TMOD1: variants seen among roughly 807,000 people sequenced by gnomAD.
TMOD1 encodes tropomodulin 1.
A neutral mutation model predicts 40.6 loss-of-function variants in TMOD1; 17 were observed. The observed-to-expected ratio is 0.42, with a 90% CI of 0.29 to 0.63. The LOEUF (loss-of-function observed/expected upper bound fraction) is 0.63. Among genes scored for constraint, TMOD1 ranks in the 20% least tolerant of loss-of-function variants. The probability of loss-of-function intolerance (pLI) is 0.22; values close to 1 mark genes in which losing one functional copy is unlikely to be tolerated. For synonymous variants in TMOD1, 181 were observed against 175.0 expected (o/e 1.03, Z -0.27); for missense variants, 391 against 447.6 (o/e 0.87, Z 1.14).
intron 3 of TMOD1, among the ~76,000 whole-genome samples, chr9:97,551,012 ATATTTTTTTTTTTTTTTTT>A (rs1257086650): frequency 1.8e-4 from 7 of 39,356 alleles, no homozygotes; most frequent in Admixed American, 4.7e-4. Context: ...ATATATATAT[ATATTTTTTTTTTTTTTTTT>A]TTTTTTTTTT....
At position 97,569,021 on chromosome 9, in the gene TMOD1, T is replaced by C; in HGVS notation, c.854T>C (p.Met285Thr). 6.2e-7 allele frequency: 1 copy of C among 1,614,062 alleles called. No homozygotes were observed. Among genetic ancestry groups the C allele is most frequent in the Non-Finnish European group, 8.5e-7 (1 of 1,179,994 alleles). ...ALPYNTSLVE[M>T]KIDNQSQPLG... Reference sequence around the variant, plus strand: ...CCATACAACACTTCTCTGGTGGAAATGAAAATTGACAACCAGGTGAGATGG... The same window carrying C: ...CCATACAACACTTCTCTGGTGGAAACGAAAATTGACAACCAGGTGAGATGG... The change falls in exon 8 of 10, where the codon ATG becomes ACG. Residue 285 changes from methionine to threonine, a missense_variant. Transcript: ENST00000259365.
chr9:97,576,852 G>A (rs1453524030), intron 8 of TMOD1, among the ~76,000 whole-genome samples: 1 of 151,964 alleles, frequency 6.6e-6, no homozygotes. Flanking sequence ...TGTTAGCCAG[G>A]ATGGTCTCGA....
chr9:97,547,980 C>T (rs1830391675), intron 3 of TMOD1, among the ~76,000 whole-genome samples: 1 of 152,182 alleles, frequency 6.6e-6, no homozygotes, highest in African/African-American at 2.4e-5. Context: ...TTGTGCACTA[C>T]TTCATTAGAA....
chr9:97,588,608 A>C (rs1002224598), intron 8 of TMOD1, among the ~76,000 whole-genome samples: 1 of 152,160 alleles, frequency 6.6e-6, no homozygotes, highest in Non-Finnish European at 1.5e-5. Flanking sequence ...TGTAACATCT[A>C]TTGATCTATG....
intron 1 of TMOD1, among the ~76,000 whole-genome samples, chr9:97,505,322 G>A (rs779510861): frequency 2.0e-5 from 3 of 152,158 alleles, no homozygotes; most frequent in Non-Finnish European, 2.9e-5. Context: ...GCTTGCGTCC[G>A]TCCACGCATG....
In TMOD1 at chr9:97,599,740, T is replaced by C; in HGVS notation, c.*42T>C. The C allele has an allele frequency of 6.2e-7, 1 of 1,613,784 alleles. No homozygotes were observed. On this transcript the variant is annotated 3_prime_UTR_variant, in exon 10 of 10. Coordinates refer to ENST00000259365, the MANE Select transcript of TMOD1 (RefSeq NM_003275.4). Reference sequence around the variant, plus strand: ...CCATGCCTTTGAACTGGATGTGTTCTATTGATGACCTGTGCTCTGCAGGGG... The same window carrying C: ...CCATGCCTTTGAACTGGATGTGTTCCATTGATGACCTGTGCTCTGCAGGGG...
At chr9:97,516,105 C>T (rs968906896) in intron 1 of TMOD1, 5 of 152,244 alleles carry the variant, frequency 3.3e-5, no homozygotes, top group African/African-American at 1.2e-4. Flanking sequence ...TGCTGGTTGA[C>T]TTTCTTCCCC....
chr9:97,561,603 C>A (rs756726609), intron 4 of TMOD1, among the ~76,000 whole-genome samples: 2 of 152,182 alleles, frequency 1.3e-5, no homozygotes, highest in African/African-American at 2.4e-5. Context: ...TGTTGCCATG[C>A]GTCTGATTAT....
At chr9:97,503,240 C>A (rs1829534101) in intron 1 of TMOD1, among the ~76,000 whole-genome samples, 1 of 152,184 alleles carries the variant, frequency 6.6e-6, no homozygotes, top group Non-Finnish European at 1.5e-5. Context: ...CATCTCTTTC[C>A]GCACCCTTCC....
chr9:97,501,653 C>A (rs1301097197), upstream of TMOD1: 1 of 148,462 alleles, frequency 6.7e-6, no homozygotes, highest in African/African-American at 2.4e-5. Flanking sequence ...CCCGCCCGCC[C>A]GCGGCCGCCC....
intron 9 of TMOD1, among the ~76,000 whole-genome samples, chr9:97,593,345 C>T (rs1028410475): frequency 1.4e-4 from 21 of 152,144 alleles, no homozygotes; most frequent in Admixed American, 1.3e-3. Flanking sequence ...TCAGGCCTGA[C>T]TCCCATCACC....
intron 8 of TMOD1, among the ~76,000 whole-genome samples, chr9:97,571,079 A>C (rs1830810606): frequency 1.3e-5 from 2 of 152,142 alleles, no homozygotes; most frequent in South Asian, 4.1e-4. Flanking sequence ...GGGGCAGAGC[A>C]GATGGAACAA....
rs577010897 is a variant in TMOD1 at position 97,601,174 on chromosome 9, G to A, written c.*1476G>A. The stretch of plus-strand genomic sequence containing the variant: ...TTGCAGGGACAACCATCCCCATTTG[G>A]CTTCTCCTTAAAACACAATTGCAGC... On this transcript the variant is annotated 3_prime_UTR_variant, in exon 10 of 10. Coordinates refer to ENST00000259365, the MANE Select transcript of TMOD1 (RefSeq NM_003275.4). 7.7e-7 allele frequency: 1 copy of A among 1,299,902 alleles called. No homozygotes were observed. The highest frequency in any genetic ancestry group is 5.6e-5 in the East Asian group (1 of 17,978). 80.5% of individuals were successfully genotyped at this position (1,299,902 alleles called of 1,614,324 possible).
At chr9:97,532,510 G>T (rs560313028) in intron 2 of TMOD1, among the ~76,000 whole-genome samples, 23 of 152,048 alleles carry the variant, frequency 1.5e-4, no homozygotes, top group Non-Finnish European at 3.1e-4. Flanking sequence ...TTGACATGTT[G>T]AATAGGAAAC....
intron 8 of TMOD1, among the ~76,000 whole-genome samples, chr9:97,580,309 A>G (rs1275653555): frequency 6.6e-6 from 1 of 152,190 alleles, no homozygotes; most frequent in African/African-American, 2.4e-5. Flanking sequence ...TGCAGTTGTA[A>G]GAAATAATAC....
At chr9:97,504,752 A>C (rs1399132320) in intron 1 of TMOD1, among the ~76,000 whole-genome samples, 2 of 152,168 alleles carry the variant, frequency 1.3e-5, no homozygotes, top group Admixed American at 1.3e-4. Flanking sequence ...TTTATTTCTG[A>C]AATGACATCA....
At chr9:97,516,383 G>A (rs1829809524) in intron 1 of TMOD1, 1 of 152,770 alleles carries the variant, frequency 6.5e-6, no homozygotes, top group Non-Finnish European at 1.5e-5. Context: ...GGAGCAGAGG[G>A]GGGCATTATC....
intron 2 of TMOD1, among the ~76,000 whole-genome samples, chr9:97,545,831 C>T (rs1010415577): frequency 2.6e-5 from 4 of 152,222 alleles, no homozygotes. Context: ...ATATTCATCA[C>T]TCAGCAGATG....
chr9:97,519,606 G>A (rs538052427), intron 1 of TMOD1, among the ~76,000 whole-genome samples: 5 of 152,086 alleles, frequency 3.3e-5, no homozygotes, highest in East Asian at 1.9e-4. Flanking sequence ...CAATCTTGCC[G>A]TGGTAAAGAT....
Sources: gnomAD v4.1 joint callset for allele counts (sites outside exome capture counted in the v4.1 genomes callset) on GRCh38, gnomAD v4.1.1 for gene constraint, MANE v1.5 for transcripts, NCBI Gene and HGNC (gene_info 2026-07-23, HGNC 2026-07-21) for gene names.